CPEB1: variants seen among roughly 807,000 people sequenced by gnomAD.
The protein encoded by CPEB1 is cytoplasmic polyadenylation element-binding protein 1.
Under a neutral mutation model 65.8 loss-of-function variants are expected in CPEB1, and 7 were observed. The observed-to-expected ratio is 0.11, with a 90% CI of 0.06 to 0.20. CPEB1 has a LOEUF of 0.20. Among genes scored for constraint, CPEB1 ranks in the 10% least tolerant of loss-of-function variants. The pLI is 1.00. For missense variants in CPEB1, 551 were observed against 712.2 expected, an observed-to-expected ratio of 0.77 and a Z score of 2.58; for synonymous variants, 262 against 260.0, an observed-to-expected ratio of 1.01 and a Z score of -0.08.
At chr15:82,549,698 C>T (rs1316327529) in intron 9 of CPEB1, 40 bp from the exon 10 acceptor site, 1 of 1,590,650 alleles carries the variant, frequency 6.3e-7, no homozygotes, top group Non-Finnish European at 8.6e-7. Flanking sequence ...TGGCAGAGAG[C>T]CACAGAGAGA....
chr15:82,628,185 T>C (rs1394404969), intron 2 of CPEB1, 179 bp downstream of exon 2: 5 of 701,192 alleles, frequency 7.1e-6, no homozygotes, highest in Non-Finnish European at 1.0e-5. Flanking sequence ...AAAGCCATCA[T>C]GCCCAAAATA....
chr15:82,615,929 T>C (rs1334341072), intron 3 of CPEB1, among the ~76,000 whole-genome samples: 1 of 151,862 alleles, frequency 6.6e-6, no homozygotes, highest in African/African-American at 2.4e-5. Context: ...AAAATATATA[T>C]TTACCTAAAT....
chr15:82,648,148 G>A (rs2047735778), upstream of CPEB1: 2 of 347,182 alleles, frequency 5.8e-6, no homozygotes, highest in African/African-American at 2.1e-5. Context: ...GGAACCCGGC[G>A]GGGACTGCCG....
rs910628816 is a variant in CPEB1, at chr15:82,547,091, C to G, written c.1575+52G>C. ...TCAGGCCTGCCCTGGGTAGTAACTG[C>G]CCAAACCCCTCTCATATACCCCAGA... On this transcript the variant is annotated intron_variant, in intron 11 of 12. Coordinates refer to ENST00000684509, the MANE Select transcript of CPEB1 (RefSeq NM_001365242.1). 4 of 1,319,832 alleles carry G rather than the reference C, an allele frequency of 3.0e-6. No homozygotes were observed. The Middle Eastern group carries it at 5.6e-4, about 184-fold the overall frequency. 81.8% of individuals were successfully genotyped at this position (1,319,832 alleles called of 1,614,324 possible). A position where few individuals can be genotyped will look rare whatever the true frequency, so the allele number is the denominator to read the frequency against.
chr15:82,573,139 A>C, intron 3 of CPEB1: 1 of 1,535,452 alleles, frequency 6.5e-7, no homozygotes, highest in South Asian at 1.2e-5. Flanking sequence ...GCTGCCACAG[A>C]AATAGCTGTT....
At chr15:82,632,915 C>T (rs535168677) in intron 1 of CPEB1, among the ~76,000 whole-genome samples, 3 of 152,330 alleles carry the variant, frequency 2.0e-5, no homozygotes, top group African/African-American at 7.2e-5. Flanking sequence ...CCCATACTCA[C>T]AGACCCATTT....
rs1204229150 is a variant in CPEB1 at position 82,606,757 on chromosome 15, G to C, written c.271+20436C>G. Among the ~76,000 whole-genome samples the C allele has an allele frequency of 9.2e-5, 9 of 97,878 alleles. 3 individuals are homozygous for C. Among genetic ancestry groups the C allele is most frequent in the Admixed American group, 3.0e-4 (3 of 10,036 alleles). 64.2% of individuals were successfully genotyped at this position (97,878 alleles called of 152,430 possible). A position where few individuals can be genotyped will look rare whatever the true frequency, so the allele number is the denominator to read the frequency against. On this transcript the variant is annotated intron_variant, in intron 3 of 12. Transcript: ENST00000684509. ...GGCGTGAACCCGGGAGGCGGAGCTT[G>C]CAGTGAGCCGAGATCCCGCCACTGC...
intron 3 of CPEB1, among the ~76,000 whole-genome samples, chr15:82,604,133 G>T (rs1054710281): frequency 6.6e-6 from 1 of 152,316 alleles, no homozygotes; most frequent in South Asian, 2.1e-4. Context: ...AGGATCACTT[G>T]AGGCCAGGAG....
At chr15:82,619,144 G>C (rs773583061) in intron 3 of CPEB1, among the ~76,000 whole-genome samples, 6 of 152,188 alleles carry the variant, frequency 3.9e-5, no homozygotes, top group African/African-American at 1.4e-4. Context: ...AAACGGATCT[G>C]TACATATACT....
chr15:82,616,960 T>A (rs1427478011), intron 3 of CPEB1, among the ~76,000 whole-genome samples: 1 of 152,178 alleles, frequency 6.6e-6, no homozygotes, highest in Non-Finnish European at 1.5e-5. Flanking sequence ...GTCAAGGTAA[T>A]AAACATATCC....
intron 3 of CPEB1, among the ~76,000 whole-genome samples, chr15:82,602,518 G>GT (rs1438611781): frequency 6.6e-6 from 1 of 152,116 alleles, no homozygotes; most frequent in Non-Finnish European, 1.5e-5. Context: ...CACTACCTTA[G>GT]TGACAGGGCA....
chr15:82,553,577 A>T (rs2036647674), intron 7 of CPEB1, 21 bp from the exon 8 acceptor site: 3 of 1,555,866 alleles, frequency 1.9e-6, no homozygotes, highest in Non-Finnish European at 2.7e-6. Flanking sequence ...ACAGAAAAGA[A>T]TGGCAGAAGC....
chr15:82,543,464 A>T lies in CPEB1; in HGVS notation c.*1128T>A, dbSNP rs149543356. ...TTGTGGGTTTTTTGTTTCTTTTTAA[A>T]AAAAAAAAAAAAAAAAAAAAGGAAA... On this transcript the variant is annotated 3_prime_UTR_variant, in exon 13 of 13. Coordinates refer to ENST00000684509, the MANE Select transcript of CPEB1 (RefSeq NM_001365242.1). 21,004 of 125,276 alleles carry T rather than the reference A, an allele frequency of 0.17. 1,752 individuals are homozygous for T. The highest frequency in any genetic ancestry group is 0.21 in the Non-Finnish European group (13,550 of 63,126). 7.8% of individuals were successfully genotyped at this position (125,276 alleles called of 1,614,324 possible).
At chr15:82,577,599 T>C (rs2040803754) in intron 3 of CPEB1, among the ~76,000 whole-genome samples, 1 of 152,166 alleles carries the variant, frequency 6.6e-6, no homozygotes, top group Admixed American at 6.5e-5. Flanking sequence ...CACTGCAGAC[T>C]AGACTTCCAG....
chr15:82,624,886 G>A (rs886504578), intron 3 of CPEB1, among the ~76,000 whole-genome samples: 1 of 151,370 alleles, frequency 6.6e-6, no homozygotes, highest in Non-Finnish European at 1.5e-5. Flanking sequence ...CACCCAGGCT[G>A]TAGTACAGTG....
chr15:82,645,463 ATTACAAAGG>A (rs1567245259), intron 1 of CPEB1, among the ~76,000 whole-genome samples: 1 of 151,924 alleles, frequency 6.6e-6, no homozygotes, highest in Admixed American at 6.6e-5. Flanking sequence ...GTACTTTTTT[ATTACAAAGG>A]TTGACTTACA....
intron 3 of CPEB1, among the ~76,000 whole-genome samples, chr15:82,599,015 A>G (rs1323312452): frequency 6.6e-6 from 1 of 152,206 alleles, no homozygotes; most frequent in African/African-American, 2.4e-5. Flanking sequence ...CCAAGAGAAC[A>G]AAGTTTTAAA....
At chr15:82,614,642 G>C (rs777827185) in intron 3 of CPEB1, among the ~76,000 whole-genome samples, 3 of 151,906 alleles carry the variant, frequency 2.0e-5, no homozygotes, top group Non-Finnish European at 4.4e-5. Context: ...TTGAGAGAAT[G>C]TATTCATTAA....
intron 3 of CPEB1, among the ~76,000 whole-genome samples, chr15:82,577,433 A>AAAAT (rs2040781598): frequency 1.3e-5 from 2 of 152,150 alleles, no homozygotes; most frequent in Non-Finnish European, 2.9e-5. Context: ...AAACTATTTT[A>AAAAT]AGTTTTCTCT....
Sources: allele counts gnomAD v4.1 joint callset (sites outside exome capture counted in the v4.1 genomes callset), GRCh38; gene constraint gnomAD v4.1.1; transcripts MANE v1.5; gene names NCBI Gene and HGNC (gene_info 2026-07-23, HGNC 2026-07-21).